Variants in FAM184B observed in about 807,000 individuals in gnomAD.
FAM184B encodes family with sequence similarity 184 member B.
Under a neutral mutation model 135.9 loss-of-function variants are expected in FAM184B, and 111 were observed. That is an observed-to-expected ratio of 0.82 (90% CI 0.70 to 0.96). The LOEUF is 0.96. Among genes scored for constraint, FAM184B ranks in the 40% least tolerant of loss-of-function variants. FAM184B has a pLI of 0.00. For synonymous variants in FAM184B, 552 were observed against 524.8 expected (o/e 1.05, Z -0.71); for missense variants, 1,375 against 1,323.9 (o/e 1.04, Z -0.60).
chr4:17,633,982 T>C, intron 16 of FAM184B, 94 bp from the exon 17 acceptor site: 1 of 1,030,468 alleles, frequency 9.7e-7, no homozygotes, highest in Non-Finnish European at 1.3e-6. Flanking sequence ...CAATCAAAAT[T>C]GTATCGGAGA....
At chr4:17,722,154 G>A (rs1225983967) in intron 1 of FAM184B, among the ~76,000 whole-genome samples, 1 of 152,134 alleles carries the variant, frequency 6.6e-6, no homozygotes, top group Admixed American at 6.5e-5. Context: ...CTGAGGGTAT[G>A]GCTATCCCAT....
intron 5 of FAM184B, among the ~76,000 whole-genome samples, chr4:17,699,188 C>G (rs945316556): frequency 1.8e-4 from 17 of 95,678 alleles, no homozygotes; most frequent in Middle Eastern, 6.3e-3. Context: ...CTTGAAGATA[C>G]AGCAAGAGAA....
At position 17,743,600 on chromosome 4, in the gene FAM184B, T is replaced by C. The variant is rs185310653; in HGVS notation, c.142-33956A>G. 3.2e-3 allele frequency among the ~76,000 whole-genome samples: 485 copies of C among 152,346 alleles called. 1 individual carries two copies. The highest frequency in any genetic ancestry group is 5.4e-3 in the Non-Finnish European group (364 of 68,030). ...AACAAGAATCGTCTTGTGCTCCCTC[T>C]GTCCTCATCCAAATGTGCTTTTAAA... On this transcript the variant is annotated intron_variant, in intron 1 of 17. Transcript: ENST00000265018.
intron 1 of FAM184B, among the ~76,000 whole-genome samples, chr4:17,774,798 C>T (rs1718889387): frequency 6.6e-6 from 1 of 152,146 alleles, no homozygotes; most frequent in Middle Eastern, 3.2e-3. Context: ...AAGAACAGTA[C>T]AAAGAACATC....
At position 17,688,531 on chromosome 4, in the gene FAM184B, C is replaced by T; in HGVS notation, c.1489G>A (p.Val497Ile). The T allele has an allele frequency of 6.5e-7, 1 of 1,545,770 alleles. No homozygotes were observed. Among genetic ancestry groups the T allele is most frequent in the South Asian group, 1.2e-5 (1 of 82,876 alleles). The change falls in exon 7 of 18, where the codon GTT becomes ATT. Residue 497 changes from valine to isoleucine, a missense_variant and splice_region_variant. Val to Ile is a conservative substitution (Grantham distance 29). Transcript: ENST00000265018. ...TGGATAAATTCTTCCAGCCTTAAAACCTAAAACAGGAGATAAGAAACACCA... is the reference window on the plus strand; with the variant it reads ...TGGATAAATTCTTCCAGCCTTAAAATCTAAAACAGGAGATAAGAAACACCA... ...NVKLQNSLLE[V>I]LRLEEFIQQN...
At chr4:17,673,640 A>T (rs1716245162) in intron 7 of FAM184B, among the ~76,000 whole-genome samples, 1 of 152,200 alleles carries the variant, frequency 6.6e-6, no homozygotes, top group African/African-American at 2.4e-5. Flanking sequence ...TGGAGATATT[A>T]TTCTAAGTGA....
rs1288662252 is a variant in FAM184B at position 17,630,721 on chromosome 4, T to TTTGA, written c.*1807_*1810dup. 6.6e-6 allele frequency: 1 copy of TTTGA among 152,242 alleles called. No individual in the cohort carries two copies. Among genetic ancestry groups the TTTGA allele is most frequent in the East Asian group, 1.9e-4 (1 of 5,202 alleles). The allele number at this position is 152,242 out of a possible 1,614,324, so 9.4% of individuals were successfully genotyped here. Reference sequence around the variant, plus strand: ...ATTTAAAAATGCATTGGAGCCTCGTTTTGATTAGGCAGTAAATTTACCTTT... The same window carrying TTTGA: ...ATTTAAAAATGCATTGGAGCCTCGTTTTGATTGATTAGGCAGTAAATTTACCTTT... On this transcript the variant is annotated 3_prime_UTR_variant, in exon 18 of 18. Coordinates refer to ENST00000265018, the MANE Select transcript of FAM184B (RefSeq NM_015688.2).
rs1020148747 is a variant in FAM184B at position 17,773,994 on chromosome 4, A to T, written c.141+7165T>A. ...TGTGTTTGGGGTAAGACATTCTATT[A>T]TTCTTTGAAAATGGGAATTGGAGAA... On this transcript the variant is annotated intron_variant, in intron 1 of 17. Transcript: ENST00000265018. 2.0e-5 allele frequency among the ~76,000 whole-genome samples: 3 copies of T among 152,182 alleles called. No homozygotes were observed. In the East Asian group the frequency reaches 5.8e-4, roughly 29 times the overall value.
In FAM184B at chr4:17,690,423, G is replaced by A. The variant is rs141760942; in HGVS notation, c.1489-1892C>T. On this transcript the variant is annotated intron_variant, in intron 6 of 17. Transcript: ENST00000265018. The stretch of plus-strand genomic sequence containing the variant: ...GCAAGTGAGGTTCGGCCCAAATTGT[G>A]AAGAAGATGGGGATTCAAGATTTTA... Among the ~76,000 whole-genome samples, 64 of 152,304 alleles carry A rather than the reference G, an allele frequency of 4.2e-4. No individual in the cohort carries two copies. The East Asian group carries it at 0.011, about 26-fold the overall frequency.
intron 1 of FAM184B, among the ~76,000 whole-genome samples, chr4:17,766,753 G>A (rs1382035198): frequency 6.6e-6 from 1 of 152,254 alleles, no homozygotes; most frequent in Non-Finnish European, 1.5e-5. Context: ...TCACCTAGAG[G>A]ATCCCGCACC....
At chr4:17,634,924 G>T in intron 16 of FAM184B, 85 bp downstream of exon 16, 3 of 852,750 alleles carry the variant, frequency 3.5e-6, no homozygotes, top group South Asian at 1.9e-5. Context: ...GCGTACACCA[G>T]CCCTTAAATA....
intron 5 of FAM184B, among the ~76,000 whole-genome samples, chr4:17,701,635 C>A (rs146511140): frequency 6.6e-6 from 1 of 152,152 alleles, no homozygotes; most frequent in African/African-American, 2.4e-5. Flanking sequence ...CCCAGTCAGG[C>A]GCACCTATCC....
At chr4:17,719,022 G>A (rs1009305847) in intron 1 of FAM184B, among the ~76,000 whole-genome samples, 1 of 152,138 alleles carries the variant, frequency 6.6e-6, no homozygotes, top group African/African-American at 2.4e-5. Context: ...AGCTTGGCTG[G>A]TACAACCCCT....
intron 7 of FAM184B, among the ~76,000 whole-genome samples, chr4:17,682,759 G>A (rs1174141858): frequency 2.0e-5 from 3 of 152,076 alleles, no homozygotes; most frequent in Admixed American, 2.0e-4. Context: ...TCCGTCTCTC[G>A]AAATGCTGGG....
intron 1 of FAM184B, among the ~76,000 whole-genome samples, chr4:17,719,668 T>C (rs1387747823): frequency 2.0e-5 from 3 of 152,220 alleles, no homozygotes; most frequent in Non-Finnish European, 4.4e-5. Context: ...ATTTTTATCA[T>C]GAACAAAAAT....
chr4:17,760,401 C>T (rs1341858148), intron 1 of FAM184B, among the ~76,000 whole-genome samples: 11 of 150,444 alleles, frequency 7.3e-5, no homozygotes, highest in Non-Finnish European at 1.5e-4. Context: ...ACCTGGGAGG[C>T]GGAGGTTGCA....
At chr4:17,712,386 G>A (rs956343922) in intron 1 of FAM184B, among the ~76,000 whole-genome samples, 1 of 152,208 alleles carries the variant, frequency 6.6e-6, no homozygotes, top group African/African-American at 2.4e-5. Flanking sequence ...AGCTGGGCTG[G>A]TGTAGACGCC....
Position 17,642,143 on chromosome 4 carries a change from T to A in FAM184B, c.2432A>T (p.Asn811Ile), listed in dbSNP as rs1425807894. The A allele has an allele frequency of 1.3e-6, 2 of 1,533,592 alleles. No individual in the cohort carries two copies. Among genetic ancestry groups the A allele is most frequent in the Non-Finnish European group, 1.7e-6 (2 of 1,145,590 alleles). The allele number at this position is 1,533,592 out of a possible 1,614,324, so 95.0% of individuals were successfully genotyped here. ...SGEGCGLWEE[N>I]AQLQDAVRRL... The stretch of plus-strand genomic sequence containing the variant: ...CCGCACCGCGTCCTGGAGCTGCGCG[T>A]TCTCCTCCCAGAGCCCGCATCCCTC... The change falls in exon 13 of 18, where the codon AAC becomes ATC. Residue 811 changes from asparagine to isoleucine, a missense_variant. Transcript: ENST00000265018.
chr4:17,755,727 C>T (rs1350883739), intron 1 of FAM184B, among the ~76,000 whole-genome samples: 1 of 152,106 alleles, frequency 6.6e-6, no homozygotes, highest in Non-Finnish European at 1.5e-5. Context: ...ACTATGCAGC[C>T]ATAAAAGGGA....
Sources: gnomAD v4.1 joint callset for allele counts (sites outside exome capture counted in the v4.1 genomes callset) on GRCh38, gnomAD v4.1.1 for gene constraint, MANE v1.5 for transcripts, NCBI Gene and HGNC (gene_info 2026-07-23, HGNC 2026-07-21) for gene names.